PLA2G6: variants seen among roughly 807,000 people sequenced by gnomAD.
PLA2G6 encodes 85/88 kDa calcium-independent phospholipase A2.
A neutral mutation model predicts 83.8 loss-of-function variants in PLA2G6; 62 were observed. That is an observed-to-expected ratio of 0.74 (90% CI 0.60 to 0.91). PLA2G6 has a LOEUF of 0.91. PLA2G6 is among the 40% of genes least tolerant of loss of function. The probability of loss-of-function intolerance (pLI) is 0.00; values close to 1 mark genes in which losing one functional copy is unlikely to be tolerated. For synonymous variants in PLA2G6, 417 were observed against 449.8 expected (o/e 0.93, Z 0.92); for missense variants, 944 against 1,102.0 (o/e 0.86, Z 2.03).
intron 1 of PLA2G6, among the ~76,000 whole-genome samples, chr22:38,175,392 C>A (rs1432290788): frequency 7.9e-5 from 12 of 152,262 alleles, no homozygotes; most frequent in Admixed American, 4.6e-4. Context: ...CGCCCCATGA[C>A]CTCCCAGGGA....
chr22:38,163,402 G>A (rs2284066), intron 2 of PLA2G6: 11,949 of 169,428 alleles, frequency 0.071, 1,075 homozygotes, highest in African/African-American at 0.21. Context: ...CTAGCCACTC[G>A]GCAGATATTT....
At chr22:38,154,425 G>A (rs918123944) in intron 2 of PLA2G6, among the ~76,000 whole-genome samples, 11 of 152,224 alleles carry the variant, frequency 7.2e-5, no homozygotes, top group African/African-American at 2.7e-4. Flanking sequence ...CACTTTTAGG[G>A]GAGAAAGTAA....
chr22:38,133,485 C>A, intron 6 of PLA2G6: 1 of 192,394 alleles, frequency 5.2e-6, no homozygotes, highest in South Asian at 1.0e-4. Flanking sequence ...ATCCCAGCTG[C>A]CTGCGCTTGG....
intron 2 of PLA2G6, among the ~76,000 whole-genome samples, chr22:38,164,752 C>A (rs554519359): frequency 1.3e-5 from 2 of 152,144 alleles, no homozygotes; most frequent in Non-Finnish European, 2.9e-5. Context: ...CACTCTAACA[C>A]GCGTCAAGTA....
At chr22:38,124,067 T>G (rs532457554) in intron 10 of PLA2G6, among the ~76,000 whole-genome samples, 1 of 152,244 alleles carries the variant, frequency 6.6e-6, no homozygotes, top group South Asian at 2.1e-4. Flanking sequence ...ACTCCCGACC[T>G]CATGTGATCC....
Position 38,136,574 on chromosome 22 carries a change from G to A in PLA2G6, c.798-1490C>T, listed in dbSNP as rs2088566577. On this transcript the variant is annotated intron_variant, in intron 5 of 16. Coordinates refer to ENST00000332509, the MANE Select transcript of PLA2G6 (RefSeq NM_003560.4). ...ACCATTGCACTCCAGCCTGAGCAAC[G>A]AGAGCGAAACTCTGTCTCAAAAACA... The A allele has an allele frequency of 1.3e-5, 2 of 152,068 alleles. 1 individual carries two copies. Among genetic ancestry groups the A allele is most frequent in the South Asian group, 4.1e-4 (2 of 4,824 alleles). 9.4% of individuals were successfully genotyped at this position (152,068 alleles called of 1,614,324 possible). A position where few individuals can be genotyped will look rare whatever the true frequency, so the allele number is the denominator to read the frequency against.
At chr22:38,115,348 G>A (rs916081183) in intron 14 of PLA2G6, among the ~76,000 whole-genome samples, 179 bp downstream of exon 14, 1 of 152,204 alleles carries the variant, frequency 6.6e-6, no homozygotes, top group Non-Finnish European at 1.5e-5. Context: ...CAGTGCTTCA[G>A]GCAGATCCCA....
At chr22:38,126,547 C>A in intron 9 of PLA2G6, 98 bp from the exon 10 acceptor site, 1 of 828,590 alleles carries the variant, frequency 1.2e-6, no homozygotes, top group Non-Finnish European at 2.0e-6. Context: ...GCCTCGCCCA[C>A]GGCCACGCCC....
intron 2 of PLA2G6, among the ~76,000 whole-genome samples, chr22:38,167,371 G>A (rs956686773): frequency 6.6e-6 from 1 of 152,212 alleles, no homozygotes; most frequent in Non-Finnish European, 1.5e-5. Context: ...AGCTGGCTGA[G>A]ACAAATCTGG....
chr22:38,124,561 G>A (rs2087720974), intron 10 of PLA2G6, among the ~76,000 whole-genome samples: 2 of 152,114 alleles, frequency 1.3e-5, no homozygotes, highest in Admixed American at 6.5e-5. Context: ...AGAGAAGCCT[G>A]CCCTGATGCC....
In PLA2G6 at chr22:38,143,118, G is replaced by C; in HGVS notation, c.596C>G (p.Ser199Cys). 1.2e-6 allele frequency: 2 copies of C among 1,614,144 alleles called. No individual in the cohort carries two copies. The highest frequency in any genetic ancestry group is 8.5e-7 in the Non-Finnish European group (1 of 1,179,996). The change falls in exon 4 of 17, where the codon TCT becomes TGT. Residue 199 changes from serine (S) to cysteine (C), a missense_variant. Transcript: ENST00000332509. ...CCCCCTGCTCACCTGCAGCACCTGA[G>C]AATTGTCACCCTGGACAGCATAATG... The part of the protein sequence containing the change: ...VFHYAVQGDN[S>C]QVLQLLGRNA...
chr22:38,143,371 T>C, intron 3 of PLA2G6, 83 bp from the exon 4 acceptor site: 4 of 1,345,606 alleles, frequency 3.0e-6, no homozygotes, highest in South Asian at 2.3e-5. Context: ...TGCAGGGAAG[T>C]GCACTCGGAA....
At position 38,132,602 on chromosome 22, in the gene PLA2G6, T is replaced by C; in HGVS notation, c.1077+229A>G. ...TGCAAGTGCCAAATGGGGGCACAGG[T>C]GGAAAAGGTACCACAGCACACAGGA... On this transcript the variant is annotated intron_variant, in intron 7 of 16. Coordinates refer to ENST00000332509, the MANE Select transcript of PLA2G6 (RefSeq NM_003560.4). This position sits in a 1 kb window ranked among gnomAD's most constrained non-coding sequence, Gnocchi z 5.0. 1 of 586,316 alleles carries C rather than the reference T, an allele frequency of 1.7e-6. No homozygotes were observed. The highest frequency in any genetic ancestry group is 2.8e-5 in the East Asian group (1 of 35,454). 36.3% of individuals were successfully genotyped at this position (586,316 alleles called of 1,614,324 possible).
intron 1 of PLA2G6, among the ~76,000 whole-genome samples, chr22:38,172,242 AG>A (rs1473952380): frequency 1.3e-5 from 2 of 152,198 alleles, no homozygotes; most frequent in Non-Finnish European, 2.9e-5. Context: ...CAAAGAACAG[AG>A]GGGTAAAGTC....
intron 5 of PLA2G6, chr22:38,138,294 C>G (rs539305853): frequency 6.5e-6 from 1 of 152,928 alleles, no homozygotes; most frequent in Non-Finnish European, 1.5e-5. Flanking sequence ...GGTATCTTCT[C>G]TGTTTGGTCA....
chr22:38,177,042 C>CAAA lies in PLA2G6; in HGVS notation c.-46+4619_-46+4621dup, dbSNP rs11471646. Among the ~76,000 whole-genome samples the CAAA allele has an allele frequency of 5.7e-3, 731 of 129,354 alleles. 12 individuals are homozygous for CAAA. Among genetic ancestry groups the CAAA allele is most frequent in the African/African-American group, 0.018 (628 of 35,064 alleles). The allele number at this position is 129,354 out of a possible 152,430, so 84.9% of individuals were successfully genotyped here. The stretch of plus-strand genomic sequence containing the variant: ...CTTGGATGACAAAGTGAGACTGTCT[C>CAAA]AAAAAAAAAAAAAAAGAAACAAGGA... On this transcript the variant is annotated intron_variant, in intron 1 of 16. Transcript: ENST00000332509.
At chr22:38,134,865 C>A (rs921370351) in intron 6 of PLA2G6, 123 bp downstream of exon 6, 52 of 661,786 alleles carry the variant, frequency 7.9e-5, no homozygotes, top group Non-Finnish European at 1.1e-4. Flanking sequence ...CCTGCACACC[C>A]ACTGCAAGGT....
In PLA2G6 at chr22:38,181,668, G is replaced by C. The variant is rs1241149527; in HGVS notation, c.-50C>G. 6.6e-6 allele frequency: 1 copy of C among 152,276 alleles called. No homozygotes were observed. The highest frequency in any genetic ancestry group is 1.5e-5 in the Non-Finnish European group (1 of 68,052). The allele number at this position is 152,276 out of a possible 1,614,324, so 9.4% of individuals were successfully genotyped here. On this transcript the variant is annotated 5_prime_UTR_variant, in exon 1 of 17. Transcript: ENST00000332509. ...AAGGGTTAATGGAGGACATGCCTCAGAATCGGAGACACGAGGAATATCCAA... is the reference window on the plus strand; with the variant it reads ...AAGGGTTAATGGAGGACATGCCTCACAATCGGAGACACGAGGAATATCCAA...
At chr22:38,150,283 G>C (rs1172816936) in intron 2 of PLA2G6, 11 of 152,116 alleles carry the variant, frequency 7.2e-5, no homozygotes, top group Admixed American at 7.2e-4. Flanking sequence ...AATGCCTTAA[G>C]AGACTGGAAG....
Sources: allele counts gnomAD v4.1 joint callset (sites outside exome capture counted in the v4.1 genomes callset), GRCh38; gene constraint gnomAD v4.1.1; non-coding constraint Gnocchi (gnomAD v3.1); transcripts MANE v1.5; gene names NCBI Gene and HGNC (gene_info 2026-07-23, HGNC 2026-07-21).